GRM3: variants seen among roughly 807,000 people sequenced by gnomAD.
GRM3 encodes the protein glutamate metabotropic receptor 3.
In GRM3, 26 loss-of-function variants were observed where a neutral mutation model predicts 70.5. The observed-to-expected ratio is 0.37, with a 90% CI of 0.27 to 0.51. The LOEUF (loss-of-function observed/expected upper bound fraction) is 0.51. Among genes scored for constraint, GRM3 ranks in the 20% least tolerant of loss-of-function variants. The pLI is 0.93. For missense variants in GRM3, 859 were observed against 1,123.8 expected (o/e 0.76, Z 3.37); for synonymous variants, 443 against 434.9 (o/e 1.02, Z -0.23).
chr7:86,788,374 C>G (rs1238800239), intron 3 of GRM3, among the ~76,000 whole-genome samples: 1 of 152,156 alleles, frequency 6.6e-6, no homozygotes, highest in Non-Finnish European at 1.5e-5. Context: ...ACAAAAATCA[C>G]CACACTGCAT....
intron 1 of GRM3, among the ~76,000 whole-genome samples, chr7:86,751,364 G>A (rs1309526175): frequency 6.6e-6 from 1 of 152,058 alleles, no homozygotes; most frequent in East Asian, 1.9e-4. Flanking sequence ...ATTGTTATCA[G>A]AGTCCCAACA....
intron 3 of GRM3, among the ~76,000 whole-genome samples, chr7:86,814,363 T>C (rs568737717): frequency 4.1e-4 from 62 of 151,916 alleles, no homozygotes; most frequent in African/African-American, 1.4e-3. Context: ...TTGTTGTCTT[T>C]TATCTCTCGC....
intron 1 of GRM3, among the ~76,000 whole-genome samples, chr7:86,651,681 TGGTCAC>T (rs1023473217): frequency 1.1e-4 from 17 of 152,170 alleles, no homozygotes; most frequent in African/African-American, 3.9e-4. Flanking sequence ...CATACTATAT[TGGTCAC>T]TACTACACTG....
chr7:86,744,136 T>C (rs940535117), intron 1 of GRM3, among the ~76,000 whole-genome samples: 1 of 152,002 alleles, frequency 6.6e-6, no homozygotes, highest in African/African-American at 2.4e-5. Context: ...CACACCCAGG[T>C]CTGGGCATTG....
chr7:86,815,631 TGTG>T (rs1798000591), intron 3 of GRM3, among the ~76,000 whole-genome samples: 1 of 151,908 alleles, frequency 6.6e-6, no homozygotes, highest in Non-Finnish European at 1.5e-5. Context: ...AGTCACAGGC[TGTG>T]TTTTACTACA....
chr7:86,726,073 G>T (rs886846930), intron 1 of GRM3, among the ~76,000 whole-genome samples: 1 of 152,294 alleles, frequency 6.6e-6, no homozygotes, highest in East Asian at 1.9e-4. Flanking sequence ...AGATAGTTGT[G>T]CTAGAGTGAC....
chr7:86,812,000 T>A (rs1177783855), intron 3 of GRM3, among the ~76,000 whole-genome samples: 3 of 151,600 alleles, frequency 2.0e-5, no homozygotes, highest in African/African-American at 7.3e-5. Flanking sequence ...GTTTCTGTAC[T>A]TACAGACTGT....
intron 5 of GRM3, among the ~76,000 whole-genome samples, chr7:86,860,578 G>A (rs1346074625): frequency 6.6e-6 from 1 of 152,160 alleles, no homozygotes; most frequent in African/African-American, 2.4e-5. Context: ...GCTATTTCTT[G>A]TAAGAAGACC....
intron 1 of GRM3, among the ~76,000 whole-genome samples, chr7:86,705,576 A>G (rs1374978454): frequency 6.6e-6 from 1 of 152,066 alleles, no homozygotes; most frequent in Non-Finnish European, 1.5e-5. Context: ...ATTTTTTTGT[A>G]AACATACTGA....
At chr7:86,861,705 A>T (rs28479466) in intron 5 of GRM3, among the ~76,000 whole-genome samples, 18,048 of 152,164 alleles carry the variant, frequency 0.12, 1,334 homozygotes, top group African/African-American at 0.22. Flanking sequence ...GGAAAAAAAA[A>T]TTGGAATGAG....
At position 86,681,527 on chromosome 7, in the gene GRM3, C is replaced by T. The variant is rs181781234; in HGVS notation, c.-141+36655C>T. Among the ~76,000 whole-genome samples, 442 of 152,160 alleles carry T rather than the reference C, an allele frequency of 2.9e-3. 1 individual carries two copies. The highest frequency in any genetic ancestry group is 0.01 in the African/African-American group (420 of 41,512). On this transcript the variant is annotated intron_variant, in intron 1 of 5. Coordinates refer to ENST00000361669, the MANE Select transcript of GRM3 (RefSeq NM_000840.3). ...CTTTTTTCAATGTGTCTACATTATT[C>T]ATCAATGGCTCTGTTTTTTAATTTA...
chr7:86,720,199 G>A (rs1795423834), intron 1 of GRM3, among the ~76,000 whole-genome samples: 1 of 151,992 alleles, frequency 6.6e-6, no homozygotes, highest in Non-Finnish European at 1.5e-5. Context: ...GTAATTGAAT[G>A]TGAGGGATAA....
At chr7:86,803,609 C>T (rs572542298) in intron 3 of GRM3, among the ~76,000 whole-genome samples, 53 of 152,246 alleles carry the variant, frequency 3.5e-4, no homozygotes, top group African/African-American at 1.3e-3. Context: ...AGAGGCTGCC[C>T]TCCCAGCCTT....
chr7:86,786,169 G>A lies in GRM3; in HGVS notation c.469-92G>A. 11 of 1,056,366 alleles carry A rather than the reference G, an allele frequency of 1.0e-5. No homozygotes were observed. Among genetic ancestry groups the A allele is most frequent in the Middle Eastern group, 2.2e-4 (1 of 4,492 alleles). 65.4% of individuals were successfully genotyped at this position (1,056,366 alleles called of 1,614,324 possible). A position where few individuals can be genotyped will look rare whatever the true frequency, so the allele number is the denominator to read the frequency against. On this transcript the variant is annotated intron_variant, in intron 2 of 5. Coordinates refer to ENST00000361669, the MANE Select transcript of GRM3 (RefSeq NM_000840.3). The surrounding 1 kb of genome is among the most constrained non-coding windows in gnomAD (Gnocchi z 6.0). ...CCATCTAGAGTAGAGGGAAAAGGGA[G>A]TCAGTAAAAGGTGTGGATGCTATTA...
At chr7:86,655,857 GGT>G (rs1793727833) in intron 1 of GRM3, among the ~76,000 whole-genome samples, 1 of 115,806 alleles carries the variant, frequency 8.6e-6, no homozygotes, top group African/African-American at 3.0e-5. Context: ...TGTGTGGGTG[GGT>G]GGGTGTGTGT....
chr7:86,854,969 A>G (rs868364059), intron 5 of GRM3, among the ~76,000 whole-genome samples: 1 of 152,182 alleles, frequency 6.6e-6, no homozygotes. Flanking sequence ...AGCATAGAAG[A>G]ACCTGGCCGC....
At chr7:86,680,750 CTTG>C (rs1794422664) in intron 1 of GRM3, among the ~76,000 whole-genome samples, 1 of 152,104 alleles carries the variant, frequency 6.6e-6, no homozygotes, top group African/African-American at 2.4e-5. Context: ...ACATAGCTGA[CTTG>C]TTCTTAGAGC....
At chr7:86,783,948 G>T (rs1797150761) in intron 2 of GRM3, among the ~76,000 whole-genome samples, 1 of 152,140 alleles carries the variant, frequency 6.6e-6, no homozygotes, top group South Asian at 2.1e-4. Context: ...TCTAGAGTCA[G>T]TTGTGGTCTC....
chr7:86,671,983 G>C (rs561961602), intron 1 of GRM3, among the ~76,000 whole-genome samples: 1 of 152,194 alleles, frequency 6.6e-6, no homozygotes, highest in African/African-American at 2.4e-5. Flanking sequence ...TTCGACTCAA[G>C]AAGAAACTAT....
Sources: gnomAD v4.1 joint callset for allele counts (sites outside exome capture counted in the v4.1 genomes callset) on GRCh38, gnomAD v4.1.1 for gene constraint, Gnocchi (gnomAD v3.1) non-coding constraint, MANE v1.5 for transcripts, NCBI Gene and HGNC (gene_info 2026-07-23, HGNC 2026-07-21) for gene names.